TDRD3: variants seen among roughly 807,000 people sequenced by gnomAD.
The protein encoded by TDRD3 is tudor domain-containing protein 3.
In TDRD3, 45 loss-of-function variants were observed where a neutral mutation model predicts 86.7. The ratio of observed to expected loss-of-function variants is 0.52; its 90% CI spans 0.41 to 0.67. TDRD3 has a LOEUF of 0.67. Among genes scored for constraint, TDRD3 ranks in the 30% least tolerant of loss-of-function variants. The pLI, the probability that TDRD3 is intolerant of heterozygous loss-of-function variation, is 0.00. For missense variants in TDRD3, 814 were observed against 889.0 expected (o/e 0.92, Z 1.07); for synonymous variants, 298 against 301.7 (o/e 0.99, Z 0.13).
At chr13:60,397,511 C>A in intron 1 of TDRD3, 106 bp downstream of exon 1, 3 of 965,580 alleles carry the variant, frequency 3.1e-6, no homozygotes, top group South Asian at 4.8e-5. Flanking sequence ...CGGAGGCTGT[C>A]GTCCGCCCCC....
intron 5 of TDRD3, among the ~76,000 whole-genome samples, chr13:60,479,074 TG>T (rs1384603156): frequency 6.6e-5 from 10 of 152,142 alleles, no homozygotes; most frequent in African/African-American, 2.4e-4. Context: ...CTCAAAGAGC[TG>T]GGATTAGAGG....
At chr13:60,463,670 A>C (rs1955851675) in intron 4 of TDRD3, among the ~76,000 whole-genome samples, 2 of 152,180 alleles carry the variant, frequency 1.3e-5, no homozygotes, top group African/African-American at 4.8e-5. Flanking sequence ...CAAAAAACAA[A>C]AAAACAAAAA....
chr13:60,422,471 A>G (rs1954683575), intron 1 of TDRD3, among the ~76,000 whole-genome samples: 1 of 152,190 alleles, frequency 6.6e-6, no homozygotes, highest in Non-Finnish European at 1.5e-5. Flanking sequence ...ACCGTGAACT[A>G]TAACTCTAAG....
chr13:60,562,690 C>A (rs1374483318), intron 12 of TDRD3, among the ~76,000 whole-genome samples: 1 of 152,192 alleles, frequency 6.6e-6, no homozygotes, highest in Admixed American at 6.5e-5. Flanking sequence ...CACTGAATTT[C>A]ATATGCTGAT....
In TDRD3 at chr13:60,439,760, G is replaced by A; in HGVS notation, c.114G>A (p.Leu38=). ...PDKVNVNDII[L]IALNTDLRTI... ...AAGTCAATGTAAATGACATCATCCT[G>A]ATTGCTCTCAATGTAGGTTATATTT... The change falls in exon 2 of 14, where the codon CTG becomes CTA. Residue 38 remains leucine, a synonymous_variant. Transcript: ENST00000377881. The A allele has an allele frequency of 6.5e-7, 1 of 1,537,614 alleles. No individual in the cohort carries two copies. The highest frequency in any genetic ancestry group is 2.5e-5 in the East Asian group (1 of 40,480).
At chr13:60,441,520 C>G (rs973294919) in intron 2 of TDRD3, among the ~76,000 whole-genome samples, 1 of 152,028 alleles carries the variant, frequency 6.6e-6, no homozygotes, top group Non-Finnish European at 1.5e-5. Context: ...AGGGTGAAGC[C>G]TATACCAGAC....
At chr13:60,486,288 CTT>C in intron 7 of TDRD3, among the ~76,000 whole-genome samples, 1 of 152,130 alleles carries the variant, frequency 6.6e-6, no homozygotes, top group East Asian at 1.9e-4. Flanking sequence ...CTAGTTGCCA[CTT>C]TTTTGGGGAT....
chr13:60,411,414 C>T (rs762576617), intron 1 of TDRD3, among the ~76,000 whole-genome samples: 39 of 152,162 alleles, frequency 2.6e-4, no homozygotes, highest in Non-Finnish European at 4.7e-4. Context: ...GACATTTTTA[C>T]TAGTTTCTAC....
chr13:60,436,530 G>T (rs527414565), intron 1 of TDRD3, among the ~76,000 whole-genome samples: 15 of 152,210 alleles, frequency 9.9e-5, no homozygotes, highest in African/African-American at 3.6e-4. Flanking sequence ...TGAAAAGGGT[G>T]TCCTTTCCCC....
chr13:60,518,067 C>A (rs1042937421), intron 10 of TDRD3, among the ~76,000 whole-genome samples: 8 of 152,196 alleles, frequency 5.3e-5, no homozygotes, highest in African/African-American at 1.7e-4. Flanking sequence ...AGCATGATAG[C>A]TTTTGTCAGA....
At chr13:60,473,988 A>T (rs549656312) in intron 5 of TDRD3, among the ~76,000 whole-genome samples, 2 of 152,100 alleles carry the variant, frequency 1.3e-5, no homozygotes, top group African/African-American at 4.8e-5. Flanking sequence ...GGCCTGACTG[A>T]TGGCAGGCTT....
upstream of TDRD3, among the ~76,000 whole-genome samples, chr13:60,395,615 C>G (rs893375970): frequency 1.3e-5 from 2 of 152,130 alleles, no homozygotes; most frequent in African/African-American, 4.8e-5. Context: ...GACTTTATAA[C>G]CAGTGAGAAA....
At chr13:60,442,890 C>T (rs941970950) in intron 2 of TDRD3, among the ~76,000 whole-genome samples, 2 of 151,812 alleles carry the variant, frequency 1.3e-5, no homozygotes, top group African/African-American at 4.8e-5. Context: ...GTCTAGTGCT[C>T]ATTTACTTTA....
intron 5 of TDRD3, among the ~76,000 whole-genome samples, chr13:60,471,541 CAA>C (rs35512603): frequency 0.15 from 21,888 of 143,780 alleles, 2,023 homozygotes; most frequent in South Asian, 0.29. Context: ...TCTATTTCTG[CAA>C]AAAAAAAAAA....
chr13:60,471,945 C>G (rs1029784412), intron 5 of TDRD3, among the ~76,000 whole-genome samples: 1 of 152,014 alleles, frequency 6.6e-6, no homozygotes, highest in East Asian at 1.9e-4. Flanking sequence ...TTCTCTTGTT[C>G]TTGATCTTAG....
At position 60,459,721 on chromosome 13, in the gene TDRD3, A is replaced by G. The variant is rs1201359122; in HGVS notation, c.193-659A>G. On this transcript the variant is annotated intron_variant, in intron 3 of 13. Transcript: ENST00000377881. Reference sequence around the variant, plus strand: ...CTGCAACTTCCATTTCCCGGATTCAAGTGATTCTTCTGCCTCAGCCTCCCA... The same window carrying G: ...CTGCAACTTCCATTTCCCGGATTCAGGTGATTCTTCTGCCTCAGCCTCCCA... Among the ~76,000 whole-genome samples the G allele has an allele frequency of 2.0e-5, 3 of 152,198 alleles. No individual in the cohort carries two copies. The East Asian group carries it at 5.8e-4, about 29-fold the overall frequency.
intron 5 of TDRD3, among the ~76,000 whole-genome samples, chr13:60,482,451 C>G (rs986140459): frequency 6.6e-6 from 1 of 152,098 alleles, no homozygotes; most frequent in Non-Finnish European, 1.5e-5. Context: ...AAGTATTGCT[C>G]ATGTGCCTTT....
chr13:60,424,146 C>G (rs1458446570), intron 1 of TDRD3, among the ~76,000 whole-genome samples: 2 of 151,924 alleles, frequency 1.3e-5, no homozygotes, highest in Admixed American at 1.3e-4. Context: ...CTTAGCCTCC[C>G]GAGTAGCTGG....
intron 5 of TDRD3, among the ~76,000 whole-genome samples, chr13:60,480,017 T>C (rs1302618305): frequency 6.6e-6 from 1 of 152,186 alleles, no homozygotes; most frequent in African/African-American, 2.4e-5. Context: ...AATATTGATA[T>C]GTTAGGGTTT....
Sources: gnomAD v4.1 joint callset for allele counts (sites outside exome capture counted in the v4.1 genomes callset) on GRCh38, gnomAD v4.1.1 for gene constraint, MANE v1.5 for transcripts, NCBI Gene and HGNC (gene_info 2026-07-23, HGNC 2026-07-21) for gene names.